FGF14: variants seen among roughly 807,000 people sequenced by gnomAD.
FGF14 encodes the protein fibroblast growth factor homologous factor 4.
FGF14 carries 5 observed loss-of-function variants against 25.5 expected under a neutral mutation model. The observed-to-expected ratio is 0.20, with a 90% CI of 0.10 to 0.41. The LOEUF (loss-of-function observed/expected upper bound fraction) is 0.41, where lower values mean the gene tolerates loss of function less well. Among genes scored for constraint, FGF14 ranks in the 10% least tolerant of loss-of-function variants. The pLI is 1.00. For missense variants in FGF14, 222 were observed against 320.1 expected (o/e 0.69, Z 2.34); for synonymous variants, 138 against 118.3 (o/e 1.17, Z -1.08).
At chr13:101,949,266 G>C (rs575762544) in intron 1 of FGF14, among the ~76,000 whole-genome samples, 3 of 152,138 alleles carry the variant, frequency 2.0e-5, no homozygotes, top group African/African-American at 7.2e-5. Context: ...ACCTTTCCTG[G>C]TAATAACTCA....
chr13:101,788,178 C>T (rs2039964507), intron 3 of FGF14, among the ~76,000 whole-genome samples: 1 of 152,102 alleles, frequency 6.6e-6, no homozygotes, highest in Non-Finnish European at 1.5e-5. Flanking sequence ...GCCCCCTGCC[C>T]CCTCCTCCAC....
chr13:101,873,022 T>C (rs1383848363), intron 2 of FGF14, among the ~76,000 whole-genome samples: 2 of 146,606 alleles, frequency 1.4e-5, no homozygotes, highest in Non-Finnish European at 3.0e-5. Flanking sequence ...CTACTGCAGA[T>C]ACAGAAGAAA....
intron 3 of FGF14, among the ~76,000 whole-genome samples, chr13:101,818,036 A>G (rs939340609): frequency 5.3e-5 from 8 of 152,214 alleles, no homozygotes; most frequent in Non-Finnish European, 7.3e-5. Context: ...CTTACTATAC[A>G]TCTGAAACTG....
intron 1 of FGF14, among the ~76,000 whole-genome samples, chr13:102,310,651 TTC>T (rs34400050): frequency 0.022 from 1,003 of 45,728 alleles, 13 homozygotes; most frequent in African/African-American, 0.037. Flanking sequence ...CTCTTCCCGT[TTC>T]TCTCTCTCTC....
intron 1 of FGF14, among the ~76,000 whole-genome samples, chr13:102,252,093 G>A (rs2052208393): frequency 1.3e-5 from 2 of 152,140 alleles, no homozygotes; most frequent in East Asian, 1.9e-4. Context: ...ATGTTAGGAA[G>A]GAAGATAGCT....
chr13:101,949,562 A>G (rs1340350342), intron 1 of FGF14, among the ~76,000 whole-genome samples: 1 of 152,296 alleles, frequency 6.6e-6, no homozygotes, highest in Admixed American at 6.5e-5. Context: ...CAGTAAAGGC[A>G]CATTGGTTCT....
chr13:102,046,063 CT>C (rs1044556646), intron 1 of FGF14: 10 of 154,406 alleles, frequency 6.5e-5, no homozygotes, highest in African/African-American at 1.9e-4. Context: ...ATGTCAAGAT[CT>C]ATTCTAACTC....
chr13:101,753,082 C>G (rs193241939), intron 3 of FGF14, among the ~76,000 whole-genome samples: 10 of 152,030 alleles, frequency 6.6e-5, no homozygotes, highest in Admixed American at 4.6e-4. Flanking sequence ...GACATATGAC[C>G]CCCTAATAAA....
chr13:102,075,332 A>T (rs922785462), intron 1 of FGF14, among the ~76,000 whole-genome samples: 21 of 152,234 alleles, frequency 1.4e-4, no homozygotes, highest in African/African-American at 5.1e-4. Flanking sequence ...AGCTACAAAA[A>T]ACTTAAAATA....
intron 1 of FGF14, among the ~76,000 whole-genome samples, chr13:101,981,122 C>CACACACACAT: frequency 6.8e-6 from 1 of 147,058 alleles, no homozygotes; most frequent in Admixed American, 6.7e-5. Flanking sequence ...CACACACACA[C>CACACACACAT]ACACACAATT....
intron 1 of FGF14, among the ~76,000 whole-genome samples, chr13:102,388,210 T>A (rs139089841): frequency 4.4e-4 from 67 of 152,300 alleles, no homozygotes; most frequent in African/African-American, 1.5e-3. Context: ...GTTCAGTGTA[T>A]CTTGAAGAAA....
intron 1 of FGF14, chr13:102,401,400 C>T (rs1388699837): frequency 8.4e-6 from 12 of 1,428,848 alleles, no homozygotes; most frequent in African/African-American, 1.4e-5. Context: ...AGCAGAACTG[C>T]AGATCTAGCT....
intron 3 of FGF14, among the ~76,000 whole-genome samples, chr13:101,776,987 A>G (rs1236339189): frequency 6.6e-6 from 1 of 152,168 alleles, no homozygotes; most frequent in Non-Finnish European, 1.5e-5. Flanking sequence ...CCATTCATGC[A>G]GGTGTCACCC....
At chr13:101,805,479 A>G (rs1414246340) in intron 3 of FGF14, among the ~76,000 whole-genome samples, 2 of 152,148 alleles carry the variant, frequency 1.3e-5, no homozygotes, top group Non-Finnish European at 2.9e-5. Flanking sequence ...AGAAATATAA[A>G]CATTTTATCC....
At chr13:102,339,355 T>C (rs2056883954) in intron 1 of FGF14, among the ~76,000 whole-genome samples, 3 of 151,938 alleles carry the variant, frequency 2.0e-5, no homozygotes, top group Admixed American at 1.3e-4. Flanking sequence ...AAGCCATGAG[T>C]TCCAAAATCT....
intron 1 of FGF14, among the ~76,000 whole-genome samples, chr13:102,068,503 G>A (rs560503089): frequency 2.6e-5 from 4 of 152,180 alleles, no homozygotes; most frequent in Non-Finnish European, 5.9e-5. Flanking sequence ...CCAGGGCTGC[G>A]TACAGTGCTT....
chr13:101,800,583 C>T (rs1667048854), intron 3 of FGF14, among the ~76,000 whole-genome samples: 1 of 152,176 alleles, frequency 6.6e-6, no homozygotes, highest in Admixed American at 6.5e-5. Context: ...AAGTTTCCAT[C>T]TATAAAATAG....
At chr13:102,238,327 A>C (rs560003701) in intron 1 of FGF14, among the ~76,000 whole-genome samples, 90 of 152,346 alleles carry the variant, frequency 5.9e-4, no homozygotes, top group African/African-American at 2.2e-3. Context: ...AATGTGTAGA[A>C]TATAAAGAAT....
chr13:102,099,352 C>T (rs999688658), intron 1 of FGF14, among the ~76,000 whole-genome samples: 2 of 152,142 alleles, frequency 1.3e-5, no homozygotes, highest in African/African-American at 2.4e-5. Context: ...GCTCTTGCAC[C>T]GCTAAGCACT....
Sources: allele counts gnomAD v4.1 joint callset (sites outside exome capture counted in the v4.1 genomes callset), GRCh38; gene constraint gnomAD v4.1.1; transcripts MANE v1.5; gene names NCBI Gene and HGNC (gene_info 2026-07-23, HGNC 2026-07-21).